The following PDE10A variants were observed in gnomAD, a reference collection of about 807,000 sequenced individuals.
PDE10A encodes phosphodiesterase 10A, also known as cAMP and cAMP-inhibited cGMP 3',5'-cyclic phosphodiesterase 10A.
A neutral mutation model predicts 97.7 loss-of-function variants in PDE10A; 39 were observed. That is an observed-to-expected ratio of 0.40 (90% CI 0.31 to 0.52). The LOEUF (loss-of-function observed/expected upper bound fraction) is 0.52, where lower values mean the gene tolerates loss of function less well. Among genes scored for constraint, PDE10A ranks in the 20% least tolerant of loss-of-function variants. The pLI is 0.56. For synonymous variants in PDE10A, 371 were observed against 376.8 expected, an observed-to-expected ratio of 0.98 and a Z score of 0.18; for missense variants, 731 against 1,047.8, an observed-to-expected ratio of 0.70 and a Z score of 4.17.
At chr6:165,924,586 A>G (rs974470279) in intron 1 of PDE10A, among the ~76,000 whole-genome samples, 2 of 152,212 alleles carry the variant, frequency 1.3e-5, no homozygotes. Flanking sequence ...GGTACAATTC[A>G]TGGTTTCCAT....
chr6:165,366,301 AACATCAGAAAAGTAGAACAAATTTTATTC>A (rs1783766863), intron 18 of PDE10A, among the ~76,000 whole-genome samples: 1 of 152,222 alleles, frequency 6.6e-6, no homozygotes, highest in Admixed American at 6.5e-5. Flanking sequence ...AATACATACA[AACATCAGAAAAGTAGAACAAATTTTATTC>A]ATTTGTAGAT....
In PDE10A at chr6:165,607,999, A is replaced by G. The variant is rs368272811; in HGVS notation, c.865+53948T>C. Among the ~76,000 whole-genome samples the G allele has an allele frequency of 5.2e-4, 79 of 151,902 alleles. 3 individuals are homozygous for G. In the South Asian group the frequency reaches 0.016, roughly 31 times the overall value. On this transcript the variant is annotated intron_variant, in intron 1 of 21. Transcript: ENST00000539869. The stretch of plus-strand genomic sequence containing the variant: ...GAGATGATGCCACAATGTCTCTCCC[A>G]GGACTCATATTATTCTACGAACAGT...
chr6:165,839,268 A>G (rs1037905919), intron 1 of PDE10A, among the ~76,000 whole-genome samples: 2 of 152,254 alleles, frequency 1.3e-5, no homozygotes, highest in African/African-American at 2.4e-5. Flanking sequence ...TGCTCAAAGA[A>G]TTATAATCAC....
intron 1 of PDE10A, among the ~76,000 whole-genome samples, chr6:165,860,665 T>C (rs1463015100): frequency 6.6e-6 from 1 of 152,164 alleles, no homozygotes; most frequent in Non-Finnish European, 1.5e-5. Context: ...GATTTTGCGG[T>C]TATAAATACA....
intron 2 of PDE10A, among the ~76,000 whole-genome samples, chr6:165,495,628 CT>C (rs1468996799): frequency 6.6e-6 from 1 of 152,122 alleles, no homozygotes; most frequent in African/African-American, 2.4e-5. Context: ...AAAATAAAAT[CT>C]TGTAGAAAAC....
chr6:165,676,229 G>A (rs1562678217), intron 1 of PDE10A, among the ~76,000 whole-genome samples: 1 of 152,168 alleles, frequency 6.6e-6, no homozygotes, highest in Non-Finnish European at 1.5e-5. Context: ...GACACAGAAG[G>A]GTGGGAAAGT....
intron 3 of PDE10A, among the ~76,000 whole-genome samples, chr6:165,458,835 A>C (rs1035720886): frequency 6.6e-6 from 1 of 152,148 alleles, no homozygotes; most frequent in Non-Finnish European, 1.5e-5. Flanking sequence ...CAGAAAATTT[A>C]ACGTTTCTAC....
At chr6:165,712,210 G>A (rs183483177) in intron 1 of PDE10A, among the ~76,000 whole-genome samples, 335 of 152,262 alleles carry the variant, frequency 2.2e-3, no homozygotes, top group Non-Finnish European at 4.2e-3. Flanking sequence ...GACATCAGTG[G>A]GACTCAGAGG....
intron 5 of PDE10A, among the ~76,000 whole-genome samples, chr6:165,437,447 G>A (rs1209927657): frequency 6.6e-6 from 1 of 152,056 alleles, no homozygotes; most frequent in Admixed American, 6.5e-5. Flanking sequence ...CTGTACCCAA[G>A]AGTGTATGGA....
At chr6:165,395,367 C>G in intron 14 of PDE10A, 103 bp from the exon 15 acceptor site, 1 of 727,652 alleles carries the variant, frequency 1.4e-6, no homozygotes, top group South Asian at 1.8e-5. Flanking sequence ...TAAAAAGACA[C>G]TGGGAGCTCA....
At position 165,578,260 on chromosome 6, in the gene PDE10A, ATT is replaced by A. The variant is rs10716590; in HGVS notation, c.866-34694_866-34693del. 4.1e-3 allele frequency among the ~76,000 whole-genome samples: 616 copies of A among 150,086 alleles called. 4 individuals carry two copies. Among genetic ancestry groups the A allele is most frequent in the African/African-American group, 0.013 (545 of 40,978 alleles). ...CTGCACTCTCAAGAGTTTTGTTTGA[ATT>A]TTTTTTTTTTCCCCATGACAAATTA... On this transcript the variant is annotated intron_variant, in intron 1 of 21. Transcript: ENST00000539869.
intron 13 of PDE10A, among the ~76,000 whole-genome samples, chr6:165,401,675 A>C (rs1451198193): frequency 6.6e-6 from 1 of 152,158 alleles, no homozygotes; most frequent in Non-Finnish European, 1.5e-5. Context: ...TAGGTTTAGA[A>C]GCATAGGCTG....
chr6:165,800,666 A>C (rs1778959412), intron 1 of PDE10A, among the ~76,000 whole-genome samples: 1 of 152,252 alleles, frequency 6.6e-6, no homozygotes, highest in Non-Finnish European at 1.5e-5. Flanking sequence ...TGTCTAGCAT[A>C]ACATAATTCA....
At chr6:165,719,976 A>C (rs1398570706) in intron 1 of PDE10A, among the ~76,000 whole-genome samples, 1 of 152,246 alleles carries the variant, frequency 6.6e-6, no homozygotes, top group African/African-American at 2.4e-5. Flanking sequence ...GAGTCCACAA[A>C]GGTGTGTAAA....
chr6:165,402,390 T>G (rs1786737596), intron 13 of PDE10A, among the ~76,000 whole-genome samples: 1 of 152,078 alleles, frequency 6.6e-6, no homozygotes, highest in Non-Finnish European at 1.5e-5. Flanking sequence ...AAATTTATAT[T>G]ACTTCCCATT....
chr6:165,452,902 A>AG (rs869153137), intron 3 of PDE10A, among the ~76,000 whole-genome samples: 24 of 67,258 alleles, frequency 3.6e-4, no homozygotes, highest in African/African-American at 2.0e-3. Flanking sequence ...GAGGGTTTAG[A>AG]AAAAAAAAAA....
intron 1 of PDE10A, among the ~76,000 whole-genome samples, chr6:165,569,179 G>A (rs1484995923): frequency 6.6e-6 from 1 of 152,100 alleles, no homozygotes; most frequent in Non-Finnish European, 1.5e-5. Flanking sequence ...GTGGCTACTA[G>A]AATACTTTAA....
intron 1 of PDE10A, among the ~76,000 whole-genome samples, chr6:165,562,630 G>A (rs756998855): frequency 3.3e-5 from 5 of 151,898 alleles, no homozygotes; most frequent in Non-Finnish European, 7.4e-5. Flanking sequence ...CCAAGTTTCC[G>A]TGACACTGCA....
intron 1 of PDE10A, among the ~76,000 whole-genome samples, chr6:165,572,352 A>G (rs1785088627): frequency 1.3e-5 from 2 of 152,336 alleles, no homozygotes; most frequent in Middle Eastern, 3.4e-3. Flanking sequence ...AAATGGAGAT[A>G]ATAATAATCT....
Sources: gnomAD v4.1 joint callset for allele counts (sites outside exome capture counted in the v4.1 genomes callset) on GRCh38, gnomAD v4.1.1 for gene constraint, MANE v1.5 for transcripts, NCBI Gene and HGNC (gene_info 2026-07-23, HGNC 2026-07-21) for gene names.